The following XIRP2 variants were observed in gnomAD, a reference collection of about 807,000 sequenced individuals.
XIRP2 encodes xin actin-binding repeat-containing protein 2.
XIRP2 carries 236 observed loss-of-function variants against 277.0 expected under a neutral mutation model. The observed-to-expected ratio is 0.85, with a 90% CI of 0.77 to 0.95. XIRP2 has a LOEUF of 0.95. XIRP2 is among the 40% of genes least tolerant of loss of function. XIRP2 has a pLI of 0.00. For missense variants in XIRP2, 4,640 were observed against 4,157.5 expected, an observed-to-expected ratio of 1.12 and a Z score of -3.19; for synonymous variants, 1,490 against 1,416.5, an observed-to-expected ratio of 1.05 and a Z score of -1.17.
chr2:167,184,883 AG>A (rs990008051), intron 3 of XIRP2, among the ~76,000 whole-genome samples: 4 of 152,162 alleles, frequency 2.6e-5, no homozygotes, highest in African/African-American at 9.7e-5. Flanking sequence ...CAGATTAGAT[AG>A]GGAGTAAAAT....
chr2:167,004,740 T>C (rs1356710166), intron 2 of XIRP2, among the ~76,000 whole-genome samples: 1 of 151,826 alleles, frequency 6.6e-6, no homozygotes, highest in Non-Finnish European at 1.5e-5. Flanking sequence ...ATTTGAAATC[T>C]AGTTAGTGCA....
intron 3 of XIRP2, chr2:167,187,432 T>G (rs189150916): frequency 6.5e-4 from 641 of 985,324 alleles, no homozygotes; most frequent in Non-Finnish European, 7.1e-4. Context: ...GACTGGGAAA[T>G]TGGCTGTACA....
At chr2:167,108,170 A>G (rs1316636239) in intron 2 of XIRP2, among the ~76,000 whole-genome samples, 1 of 151,834 alleles carries the variant, frequency 6.6e-6, no homozygotes. Flanking sequence ...TATTCTTTCA[A>G]TATCCACAAG....
chr2:167,254,105 C>T lies in XIRP2; in HGVS notation c.10629C>T (p.Gly3543=), dbSNP rs774712890. Residue 3543 remains glycine (G), a synonymous_variant, in exon 10 of 11, where the codon GGC becomes GGT. Transcript: ENST00000409195. The stretch of plus-strand genomic sequence containing the variant: ...GTTTATCCAATGGAGTGCCTAGTGG[C>T]AGACAAGCAGAATTTTCATAAGTCC... The part of the protein sequence containing the change: ...KDSLSNGVPS[G]RQAEFS 11 of 1,610,686 alleles carry T rather than the reference C, an allele frequency of 6.8e-6. No individual in the cohort carries two copies. The South Asian group carries it at 1.1e-4, about 16-fold the overall frequency.
intron 2 of XIRP2, among the ~76,000 whole-genome samples, chr2:167,105,877 G>T (rs1286041744): frequency 6.6e-6 from 1 of 151,568 alleles, no homozygotes; most frequent in East Asian, 1.9e-4. Flanking sequence ...ATCTGATTAG[G>T]TTTTAGTTTG....
intron 2 of XIRP2, among the ~76,000 whole-genome samples, chr2:166,997,829 C>T (rs951537074): frequency 2.0e-5 from 3 of 151,344 alleles, no homozygotes; most frequent in South Asian, 2.1e-4. Flanking sequence ...CACTTGAACC[C>T]GGGAGGCAGA....
Position 167,259,080 on chromosome 2 carries a change from C to G in XIRP2, c.*1263C>G. On this transcript the variant is annotated 3_prime_UTR_variant, in exon 11 of 11. Transcript: ENST00000409195. Reference sequence around the variant, plus strand: ...TTTTCTAACACCGTGAAAATCACTGCATTTTCCAAGAAAAATGAGAACATT... The same window carrying G: ...TTTTCTAACACCGTGAAAATCACTGGATTTTCCAAGAAAAATGAGAACATT... 6.2e-7 allele frequency: 1 copy of G among 1,611,568 alleles called. No homozygotes were observed. Among genetic ancestry groups the G allele is most frequent in the South Asian group, 1.1e-5 (1 of 90,956 alleles).
chr2:167,027,938 C>A (rs1293474637), intron 2 of XIRP2, among the ~76,000 whole-genome samples: 2 of 151,944 alleles, frequency 1.3e-5, no homozygotes, highest in African/African-American at 4.8e-5. Flanking sequence ...AGAAAATAGT[C>A]ATGTCAATAA....
In XIRP2 at chr2:167,254,065, C is replaced by A. The variant is rs778880878; in HGVS notation, c.10589C>A (p.Thr3530Asn). ...AAAPRQGNMY[T>N]LSKDSLSNGV... ...GCTCCAAGACAAGGAAATATGTATA[C>A]TTTGTCAAAAGACAGTTTATCCAAT... Residue 3530 changes from threonine (T) to asparagine (N), a missense_variant, in exon 10 of 11, where the codon ACT (threonine) becomes AAT (asparagine). Physicochemically the swap from Thr to Asn is moderately conservative, Grantham distance 65. Transcript: ENST00000409195. The A allele has an allele frequency of 6.2e-7, 1 of 1,604,792 alleles. No homozygotes were observed. The highest frequency in any genetic ancestry group is 8.5e-7 in the Non-Finnish European group (1 of 1,175,304).
intron 2 of XIRP2, among the ~76,000 whole-genome samples, chr2:166,925,911 T>C (rs1685176084): frequency 6.6e-6 from 1 of 151,458 alleles, no homozygotes; most frequent in African/African-American, 2.4e-5. Flanking sequence ...CTCTACAAAA[T>C]AAAAATTTAA....
chr2:167,210,151 G>A (rs540990956), intron 3 of XIRP2, among the ~76,000 whole-genome samples: 25 of 152,174 alleles, frequency 1.6e-4, no homozygotes, highest in Non-Finnish European at 3.2e-4. Context: ...AAAATCCACA[G>A]CCTATAATAT....
At position 167,029,059 on chromosome 2, in the gene XIRP2, C is replaced by G. The variant is rs986986151; in HGVS notation, c.409-106850C>G. 2.0e-5 allele frequency among the ~76,000 whole-genome samples: 3 copies of G among 151,718 alleles called. No homozygotes were observed. The Admixed American group carries it at 2.0e-4, about 10-fold the overall frequency. ...AAGAATGAAAAACAATGAAACACAC[C>G]CACAAGAACTAGAAAATAGTCTCAA... On this transcript the variant is annotated intron_variant, in intron 2 of 10. Transcript: ENST00000409195.
At chr2:167,036,909 C>T (rs776024568) in intron 2 of XIRP2, among the ~76,000 whole-genome samples, 1 of 152,090 alleles carries the variant, frequency 6.6e-6, no homozygotes, top group Non-Finnish European at 1.5e-5. Context: ...TCAGGGGTTT[C>T]CACTTTTGCT....
At chr2:167,089,462 C>T (rs142663404) in intron 2 of XIRP2, among the ~76,000 whole-genome samples, 1 of 152,258 alleles carries the variant, frequency 6.6e-6, no homozygotes, top group Non-Finnish European at 1.5e-5. Flanking sequence ...CAGCCAGCAG[C>T]CAGGCAAAAT....
chr2:167,201,190 GAAAGAAAGAAAGAAAGAAAGAA>G (rs1328062799), intron 3 of XIRP2, among the ~76,000 whole-genome samples: 30 of 11,070 alleles, frequency 2.7e-3, no homozygotes, highest in East Asian at 0.023. Flanking sequence ...GAGAGAGAGA[GAAAGAAAGAAAGAAAGAAAGAA>G]AGAAAGAAAG....
At chr2:167,136,847 C>T (rs977180832) in intron 3 of XIRP2, among the ~76,000 whole-genome samples, 2 of 152,148 alleles carry the variant, frequency 1.3e-5, no homozygotes, top group African/African-American at 4.8e-5. Context: ...GTCAAGTCAC[C>T]AGTCCATGTG....
Position 167,258,725 on chromosome 2 carries a change from A to C in XIRP2, c.*908A>C. The C allele has an allele frequency of 6.2e-7, 1 of 1,613,350 alleles. No individual in the cohort carries two copies. Among genetic ancestry groups the C allele is most frequent in the Non-Finnish European group, 8.5e-7 (1 of 1,179,636 alleles). ...GAATAATTGCAGGCAGAAGACATCTATTTTAGAATTTCTTGATCTATTACC... is the reference window on the plus strand; with the variant it reads ...GAATAATTGCAGGCAGAAGACATCTCTTTTAGAATTTCTTGATCTATTACC... On this transcript the variant is annotated 3_prime_UTR_variant, in exon 11 of 11. Transcript: ENST00000409195.
intron 5 of XIRP2, among the ~76,000 whole-genome samples, chr2:167,234,690 TTA>T (rs1278854429): frequency 1.3e-5 from 2 of 151,848 alleles, no homozygotes; most frequent in Non-Finnish European, 3.0e-5. Flanking sequence ...TACTATTGAA[TTA>T]AGTAAAACTG....
At chr2:167,165,427 C>A (rs1258731952) in intron 3 of XIRP2, among the ~76,000 whole-genome samples, 1 of 152,186 alleles carries the variant, frequency 6.6e-6, no homozygotes, top group Admixed American at 6.5e-5. Context: ...ACTAAGCAGC[C>A]TTCCAAAGTG....
Sources: gnomAD v4.1 joint callset for allele counts (sites outside exome capture counted in the v4.1 genomes callset) on GRCh38, gnomAD v4.1.1 for gene constraint, MANE v1.5 for transcripts, NCBI Gene and HGNC (gene_info 2026-07-23, HGNC 2026-07-21) for gene names.